The following CCDC171 variants were observed in gnomAD, a reference collection of about 807,000 sequenced individuals.
CCDC171 encodes coiled-coil domain-containing protein 171.
In CCDC171, 177 loss-of-function variants were observed where a neutral mutation model predicts 168.2. The ratio of observed to expected loss-of-function variants is 1.05; its 90% CI spans 0.93 to 1.19. The LOEUF (loss-of-function observed/expected upper bound fraction) is 1.19. Among genes scored for constraint, CCDC171 ranks in the 50% most tolerant of loss-of-function variants. The pLI is 0.00. For missense variants in CCDC171, 1,991 were observed against 1,539.0 expected, an observed-to-expected ratio of 1.29 and a Z score of -4.91; for synonymous variants, 687 against 540.8, an observed-to-expected ratio of 1.27 and a Z score of -3.75.
At chr9:15,834,438 A>C (rs1006557574) in intron 21 of CCDC171, among the ~76,000 whole-genome samples, 15 of 152,306 alleles carry the variant, frequency 9.8e-5, no homozygotes, top group African/African-American at 3.6e-4. Context: ...AACATACTCA[A>C]GTTTTATTTG....
chr9:15,736,390 GC>G (rs1170320590), intron 16 of CCDC171, among the ~76,000 whole-genome samples: 1 of 150,724 alleles, frequency 6.6e-6, no homozygotes, highest in Admixed American at 6.6e-5. Flanking sequence ...TCACTACATT[GC>G]CTAGACTAGA....
intron 23 of CCDC171, among the ~76,000 whole-genome samples, chr9:15,859,181 A>G (rs74690150): frequency 6.6e-6 from 1 of 151,992 alleles, no homozygotes; most frequent in Non-Finnish European, 1.5e-5. Flanking sequence ...TGTTAATGTT[A>G]TGTATCATAA....
chr9:15,874,450 C>A, intron 23 of CCDC171, 82 bp from the exon 24 acceptor site: 2 of 1,202,798 alleles, frequency 1.7e-6, no homozygotes, highest in Non-Finnish European at 2.3e-6. Flanking sequence ...CAAGTCCACT[C>A]AGTGGGCTCA....
intron 9 of CCDC171, among the ~76,000 whole-genome samples, chr9:15,667,341 G>T (rs2048804653): frequency 6.6e-6 from 1 of 152,008 alleles, no homozygotes. Context: ...ACAATATAAA[G>T]ATCCCTTTTA....
At chr9:16,017,930 T>G (rs1045489458) in intron 3 of CCDC171, among the ~76,000 whole-genome samples, 1 of 152,202 alleles carries the variant, frequency 6.6e-6, no homozygotes, top group Non-Finnish European at 1.5e-5. Context: ...GAGAAGCTAC[T>G]ATAGGAGAAC....
intron 6 of CCDC171, among the ~76,000 whole-genome samples, chr9:15,611,299 A>C (rs971157084): frequency 6.6e-6 from 1 of 152,134 alleles, no homozygotes; most frequent in South Asian, 2.1e-4. Flanking sequence ...ACCCATTCTC[A>C]CATATTTCTT....
At chr9:15,741,537 G>C (rs1462949892) in intron 16 of CCDC171, among the ~76,000 whole-genome samples, 2 of 152,002 alleles carry the variant, frequency 1.3e-5, no homozygotes, top group African/African-American at 4.8e-5. Context: ...CCTCTGTTAG[G>C]CATTTGTGTT....
intron 10 of CCDC171, 24 bp downstream of exon 10, chr9:15,678,920 A>G (rs887329470): frequency 6.5e-7 from 1 of 1,541,858 alleles, no homozygotes; most frequent in East Asian, 2.3e-5. Flanking sequence ...AGAAAACCCT[A>G]TGGAAATCAC....
intron 21 of CCDC171, among the ~76,000 whole-genome samples, chr9:15,838,407 G>A (rs918287489): frequency 6.6e-6 from 1 of 152,122 alleles, no homozygotes; most frequent in East Asian, 1.9e-4. Context: ...GACAGTTATA[G>A]TTTATATATA....
intron 6 of CCDC171, among the ~76,000 whole-genome samples, chr9:15,596,655 A>G (rs1248183816): frequency 5.3e-5 from 8 of 151,912 alleles, no homozygotes; most frequent in African/African-American, 1.9e-4. Flanking sequence ...TATGAACTTT[A>G]AAGTAGTTTT....
chr9:15,592,960 T>C (rs970724659), intron 5 of CCDC171, among the ~76,000 whole-genome samples: 1 of 152,060 alleles, frequency 6.6e-6, no homozygotes, highest in Non-Finnish European at 1.5e-5. Context: ...GCCATGCTGG[T>C]GTGCTGCACC....
chr9:16,041,695 C>T (rs1203230623), upstream of CCDC171, among the ~76,000 whole-genome samples: 8 of 152,196 alleles, frequency 5.3e-5, no homozygotes, highest in South Asian at 8.3e-4. Context: ...GAGGGCTTAT[C>T]GAAATTTCCT....
chr9:15,963,097 C>T (rs915055356), intron 25 of CCDC171, among the ~76,000 whole-genome samples: 1 of 151,958 alleles, frequency 6.6e-6, no homozygotes, highest in Admixed American at 6.6e-5. Context: ...TGTTTAGCAC[C>T]ACATGTTCTC....
At chr9:16,012,576 T>C (rs1383678403) in intron 3 of CCDC171, among the ~76,000 whole-genome samples, 1 of 143,752 alleles carries the variant, frequency 7.0e-6, no homozygotes, top group Non-Finnish European at 1.5e-5. Context: ...GATAATTTTT[T>C]TTTTCAAAGA....
At chr9:16,054,442 C>T (rs1833801394) in intron 1 of CCDC171, among the ~76,000 whole-genome samples, 1 of 152,072 alleles carries the variant, frequency 6.6e-6, no homozygotes, top group African/African-American at 2.4e-5. Flanking sequence ...TAGGAGGGCA[C>T]CAGCTAGATG....
intron 2 of CCDC171, 120 bp from the exon 3 acceptor site, chr9:15,571,504 G>T: frequency 1.3e-6 from 1 of 769,412 alleles, no homozygotes; most frequent in Non-Finnish European, 2.0e-6. Context: ...TGAACTCTAA[G>T]TCAAGAACCA....
intron 4 of CCDC171, among the ~76,000 whole-genome samples, chr9:16,021,720 G>A (rs1833169178): frequency 6.6e-6 from 1 of 152,184 alleles, no homozygotes; most frequent in Non-Finnish European, 1.5e-5. Context: ...AATGATAGCT[G>A]TTATGAAAAG....
chr9:15,818,196 C>T lies in CCDC171; in HGVS notation c.3268-28506C>T, dbSNP rs944068887. Among the ~76,000 whole-genome samples, 15 of 116,372 alleles carry T rather than the reference C, an allele frequency of 1.3e-4. 3 individuals carry two copies. Among genetic ancestry groups the T allele is most frequent in the Admixed American group, 1.1e-3 (13 of 12,340 alleles). 76.3% of individuals were successfully genotyped at this position (116,372 alleles called of 152,430 possible). A position where few individuals can be genotyped will look rare whatever the true frequency, so the allele number is the denominator to read the frequency against. ...CATGCACACCAAAACCCCATCTGTACGTCACCATCATCAAAGACCAAAGGT... is the reference window on the plus strand; with the variant it reads ...CATGCACACCAAAACCCCATCTGTATGTCACCATCATCAAAGACCAAAGGT... On this transcript the variant is annotated intron_variant, in intron 21 of 25. Transcript: ENST00000380701.
chr9:16,038,657 G>T (rs996016591), upstream of CCDC171, among the ~76,000 whole-genome samples: 11 of 151,872 alleles, frequency 7.2e-5, no homozygotes, highest in Admixed American at 6.6e-4. Flanking sequence ...AGAAAGCAAA[G>T]ATCATATATA....
Sources: allele counts gnomAD v4.1 joint callset (sites outside exome capture counted in the v4.1 genomes callset), GRCh38; gene constraint gnomAD v4.1.1; transcripts MANE v1.5; gene names NCBI Gene and HGNC (gene_info 2026-07-23, HGNC 2026-07-21).